CYTH1: variants seen among roughly 807,000 people sequenced by gnomAD.
The protein encoded by CYTH1 is cytohesin-1.
In CYTH1, 18 loss-of-function variants were observed where a neutral mutation model predicts 61.8. That is an observed-to-expected ratio of 0.29 (90% CI 0.20 to 0.43). The LOEUF (loss-of-function observed/expected upper bound fraction) is 0.43, where lower values mean the gene tolerates loss of function less well. CYTH1 is among the 20% of genes least tolerant of loss of function. The probability of loss-of-function intolerance (pLI) is 1.00; values close to 1 mark genes in which losing one functional copy is unlikely to be tolerated. For missense variants in CYTH1, 336 were observed against 510.5 expected (o/e 0.66, Z 3.29); for synonymous variants, 174 against 184.3 (o/e 0.94, Z 0.45).
At chr17:78,710,403 C>A (rs1049537968) in intron 1 of CYTH1, among the ~76,000 whole-genome samples, 1 of 152,142 alleles carries the variant, frequency 6.6e-6, no homozygotes, top group Non-Finnish European at 1.5e-5. Flanking sequence ...TTACTTAATT[C>A]CCAGATCACA....
intron 1 of CYTH1, among the ~76,000 whole-genome samples, chr17:78,767,670 AG>A (rs1182087219): frequency 6.6e-6 from 1 of 152,190 alleles, no homozygotes; most frequent in African/African-American, 2.4e-5. Context: ...AAAAGAATCC[AG>A]TGTTTTTTTC....
chr17:78,718,192 G>C (rs2093198223), intron 1 of CYTH1, among the ~76,000 whole-genome samples: 1 of 142,750 alleles, frequency 7.0e-6, no homozygotes, highest in African/African-American at 2.7e-5. Context: ...CCCCTTTACA[G>C]ACCTGGAAGT....
intron 13 of CYTH1, chr17:78,677,193 A>G: frequency 2.5e-6 from 1 of 403,416 alleles, no homozygotes; most frequent in Non-Finnish European, 5.0e-6. Flanking sequence ...TTCACGAGGG[A>G]ATCTGGCGGC....
intron 1 of CYTH1, among the ~76,000 whole-genome samples, chr17:78,733,605 A>G (rs1015665764): frequency 1.3e-5 from 2 of 152,264 alleles, no homozygotes; most frequent in Non-Finnish European, 1.5e-5. Flanking sequence ...GGGGACAGGC[A>G]TGTAAGCCCG....
intron 1 of CYTH1, among the ~76,000 whole-genome samples, chr17:78,768,462 C>T (rs1431196468): frequency 1.3e-5 from 2 of 152,154 alleles, no homozygotes; most frequent in African/African-American, 2.4e-5. Context: ...CCAGAGATTA[C>T]GTCCAAAACC....
chr17:78,725,340 A>AG (rs2093260358), intron 1 of CYTH1, among the ~76,000 whole-genome samples: 1 of 152,198 alleles, frequency 6.6e-6, no homozygotes, highest in South Asian at 2.1e-4. Context: ...GATACAAACA[A>AG]ACTCAGTGAA....
chr17:78,677,948 T>C (rs996178645), intron 13 of CYTH1: 1 of 152,300 alleles, frequency 6.6e-6, no homozygotes, highest in Non-Finnish European at 1.5e-5. Context: ...TTTGGACAAC[T>C]TACTCAACTT....
Position 78,700,286 on chromosome 17 carries a change from A to T in CYTH1, c.550+45T>A. On this transcript the variant is annotated intron_variant, in intron 7 of 13. Transcript: ENST00000446868. The surrounding 1 kb of genome is among the most constrained non-coding windows in gnomAD (Gnocchi z 5.1). ...TTATCTGGTGCCAAGAAAATAATCC[A>T]GTGTAAAACGCCCATCATAAACTAG... 6.7e-7 allele frequency: 1 copy of T among 1,486,322 alleles called. No individual in the cohort carries two copies. The highest frequency in any genetic ancestry group is 2.5e-5 in the East Asian group (1 of 39,620). The allele number at this position is 1,486,322 out of a possible 1,614,324, so 92.1% of individuals were successfully genotyped here. A position where few individuals can be genotyped will look rare whatever the true frequency, so the allele number is the denominator to read the frequency against.
chr17:78,681,791 T>G (rs1004337219), intron 11 of CYTH1, among the ~76,000 whole-genome samples: 3 of 146,854 alleles, frequency 2.0e-5, no homozygotes, highest in Non-Finnish European at 3.0e-5. Flanking sequence ...TGGGCCCAGA[T>G]AGCGCCACTG....
intron 10 of CYTH1, 146 bp from the exon 11 acceptor site, chr17:78,692,639 C>A: frequency 1.5e-6 from 1 of 672,114 alleles, no homozygotes. Context: ...ACATCAGTAA[C>A]AAGACACAGA....
At chr17:78,725,459 T>C (rs143877641) in intron 1 of CYTH1, among the ~76,000 whole-genome samples, 3 of 152,368 alleles carry the variant, frequency 2.0e-5, no homozygotes, top group Non-Finnish European at 4.4e-5. Context: ...AATATTCTCA[T>C]AGCACTTTTC....
At chr17:78,782,142 G>A (rs931807695) in intron 1 of CYTH1, 60 bp downstream of exon 1, 4 of 1,253,656 alleles carry the variant, frequency 3.2e-6, no homozygotes, top group African/African-American at 1.6e-5. Context: ...CCGGACGGCC[G>A]GGCCCGGAGG....
chr17:78,683,261 C>T (rs61027470), intron 11 of CYTH1, among the ~76,000 whole-genome samples: 1,618 of 152,292 alleles, frequency 0.011, 27 homozygotes, highest in African/African-American at 0.038. Context: ...TCCTGGACCC[C>T]TCCCTCTCTC....
chr17:78,723,350 C>T (rs747470300), intron 1 of CYTH1: 7 of 152,434 alleles, frequency 4.6e-5, no homozygotes, highest in Non-Finnish European at 8.8e-5. Context: ...ACCAGGCTGC[C>T]GGGAGCTCCC....
chr17:78,709,873 T>TA (rs2093109967), intron 1 of CYTH1, 141 bp from the exon 2 acceptor site: 2 of 682,740 alleles, frequency 2.9e-6, no homozygotes, highest in South Asian at 3.8e-5. Flanking sequence ...TAGAAATAGT[T>TA]ATGGCTCCAA....
At chr17:78,690,801 G>A (rs2092877267) in intron 11 of CYTH1, among the ~76,000 whole-genome samples, 1 of 152,106 alleles carries the variant, frequency 6.6e-6, no homozygotes, top group African/African-American at 2.4e-5. Context: ...ACACCACTAC[G>A]GTGGGCATCA....
rs190907510 is a variant in CYTH1, at chr17:78,764,782, C to T, written c.22+17420G>A. On this transcript the variant is annotated intron_variant, in intron 1 of 13. Coordinates refer to ENST00000446868, the MANE Select transcript of CYTH1 (RefSeq NM_004762.6). ...TCAGTCAACAAGCTCTGAGAGCCTACAATGTGCCAGGCCCTGTTTCTGGCA... is the reference window on the plus strand; with the variant it reads ...TCAGTCAACAAGCTCTGAGAGCCTATAATGTGCCAGGCCCTGTTTCTGGCA... Among the ~76,000 whole-genome samples, 444 of 152,152 alleles carry T rather than the reference C, an allele frequency of 2.9e-3. 2 individuals carry two copies. The highest frequency in any genetic ancestry group is 1.0e-2 in the African/African-American group (414 of 41,496).
intron 1 of CYTH1, among the ~76,000 whole-genome samples, chr17:78,730,993 T>C (rs2093291353): frequency 6.6e-6 from 1 of 152,188 alleles, no homozygotes; most frequent in African/African-American, 2.4e-5. Flanking sequence ...AAGAAGTGAA[T>C]GTGCTAGGGA....
chr17:78,741,463 T>C (rs1269984444), intron 1 of CYTH1, among the ~76,000 whole-genome samples: 1 of 152,138 alleles, frequency 6.6e-6, no homozygotes, highest in African/African-American at 2.4e-5. Context: ...ATAATACCCA[T>C]ATCAATCATT....
Sources: allele counts gnomAD v4.1 joint callset (sites outside exome capture counted in the v4.1 genomes callset), GRCh38; gene constraint gnomAD v4.1.1; non-coding constraint Gnocchi (gnomAD v3.1); transcripts MANE v1.5; gene names NCBI Gene and HGNC (gene_info 2026-07-23, HGNC 2026-07-21).